FNDC3B: variants seen among roughly 807,000 people sequenced by gnomAD.
FNDC3B encodes fibronectin type III domain-containing protein 3B.
In FNDC3B, 12 loss-of-function variants were observed where a neutral mutation model predicts 151.5. That is an observed-to-expected ratio of 0.08 (90% CI 0.05 to 0.13). The LOEUF is 0.13. Among genes scored for constraint, FNDC3B ranks in the 10% least tolerant of loss-of-function variants. FNDC3B has a pLI of 1.00. For synonymous variants in FNDC3B, 528 were observed against 549.0 expected, an observed-to-expected ratio of 0.96 and a Z score of 0.54; for missense variants, 1,214 against 1,505.3, an observed-to-expected ratio of 0.81 and a Z score of 3.20.
intron 3 of FNDC3B, among the ~76,000 whole-genome samples, chr3:172,192,662 A>T (rs1724588737): frequency 6.6e-6 from 1 of 152,132 alleles, no homozygotes; most frequent in Non-Finnish European, 1.5e-5. Context: ...GTTCACTCAC[A>T]TGTGTTTATT....
chr3:172,052,855 C>G (rs73037193), intron 1 of FNDC3B, among the ~76,000 whole-genome samples: 5,727 of 152,192 alleles, frequency 0.038, 247 homozygotes, highest in African/African-American at 0.099. Context: ...TTAAAGGACT[C>G]CAGTTAGGAG....
chr3:172,093,744 G>T (rs1287451920), intron 1 of FNDC3B, among the ~76,000 whole-genome samples: 1 of 152,136 alleles, frequency 6.6e-6, no homozygotes, highest in African/African-American at 2.4e-5. Flanking sequence ...AAGATCAAAG[G>T]CAGTGCTAAC....
intron 7 of FNDC3B, among the ~76,000 whole-genome samples, chr3:172,294,743 G>A (rs993475276): frequency 1.3e-5 from 2 of 152,228 alleles, no homozygotes; most frequent in Admixed American, 1.3e-4. Flanking sequence ...CCTCAGAGTA[G>A]TATTTTAAGA....
chr3:172,122,396 T>C (rs1720599286), intron 2 of FNDC3B, among the ~76,000 whole-genome samples: 1 of 152,206 alleles, frequency 6.6e-6, no homozygotes, highest in South Asian at 2.1e-4. Flanking sequence ...TTAGCTGCCT[T>C]TAGATTATAT....
At chr3:172,214,005 G>T (rs541883038) in intron 3 of FNDC3B, among the ~76,000 whole-genome samples, 2 of 30,210 alleles carry the variant, frequency 6.6e-5, no homozygotes, top group African/African-American at 2.4e-4. Flanking sequence ...AGCATCTATG[G>T]TGCCGCGCCA....
At chr3:172,268,450 A>C (rs547300816) in intron 6 of FNDC3B, among the ~76,000 whole-genome samples, 1 of 152,322 alleles carries the variant, frequency 6.6e-6, no homozygotes, top group South Asian at 2.1e-4. Flanking sequence ...TGGGGGAAAA[A>C]GTGTTTTGGC....
intron 3 of FNDC3B, among the ~76,000 whole-genome samples, chr3:172,177,579 TA>T (rs1221810808): frequency 6.9e-6 from 1 of 144,420 alleles, no homozygotes; most frequent in Non-Finnish European, 1.5e-5. Flanking sequence ...CCTTATATGA[TA>T]AAATTTACCA....
chr3:172,104,338 T>C (rs1329703250), intron 1 of FNDC3B, among the ~76,000 whole-genome samples: 1 of 152,000 alleles, frequency 6.6e-6, no homozygotes, highest in African/African-American at 2.4e-5. Context: ...AATTATTTTA[T>C]TGACAAATCC....
At chr3:172,373,679 A>G (rs911158911) in intron 23 of FNDC3B, among the ~76,000 whole-genome samples, 1 of 152,194 alleles carries the variant, frequency 6.6e-6, no homozygotes, top group Non-Finnish European at 1.5e-5. Flanking sequence ...CAAATATTTG[A>G]TGAATATTTG....
intron 8 of FNDC3B, among the ~76,000 whole-genome samples, chr3:172,296,772 G>A (rs964507622): frequency 2.0e-5 from 3 of 152,140 alleles, no homozygotes; most frequent in African/African-American, 7.2e-5. Context: ...TGAACTGCAC[G>A]GACCCACTTA....
At chr3:172,083,631 A>G (rs2108501678) in intron 1 of FNDC3B, among the ~76,000 whole-genome samples, 1 of 152,244 alleles carries the variant, frequency 6.6e-6, no homozygotes, top group African/African-American at 2.4e-5. Context: ...CACAGAGAAT[A>G]CAAGACATCA....
intron 1 of FNDC3B, among the ~76,000 whole-genome samples, chr3:172,083,034 T>C (rs1217743590): frequency 6.6e-6 from 1 of 152,226 alleles, no homozygotes; most frequent in Non-Finnish European, 1.5e-5. Context: ...TTAGAATGTT[T>C]GCAAGTGTGG....
chr3:172,198,020 A>C (rs1724930933), intron 3 of FNDC3B, among the ~76,000 whole-genome samples: 1 of 152,182 alleles, frequency 6.6e-6, no homozygotes, highest in Non-Finnish European at 1.5e-5. Flanking sequence ...GTACCAACTC[A>C]TGGTTTTGTT....
chr3:172,186,481 T>G (rs570144654), intron 3 of FNDC3B, among the ~76,000 whole-genome samples: 2 of 152,320 alleles, frequency 1.3e-5, no homozygotes, highest in African/African-American at 4.8e-5. Context: ...TGAGTACCCC[T>G]CCAGTCTGGG....
chr3:172,347,308 C>G lies in FNDC3B; in HGVS notation c.2461C>G (p.Arg821Gly). The change falls in exon 21 of 26, where the codon CGT becomes GGT. Residue 821 changes from arginine to glycine, a missense_variant. Around this residue, in one of 7 missense-constraint regions of FNDC3B, gnomAD observed 380 missense variants for 420.9 expected, o/e 0.90. Coordinates refer to ENST00000415807, the MANE Select transcript of FNDC3B (RefSeq NM_022763.4). ...LELIYHGTDT[R>G]FEIRDLLPAA... is the part of the protein sequence containing the mutation. ...ACTCATTTATCATGGGACAGACACCCGTTTTGAAATAAGAGACCTGTTGCC... is the reference window on the plus strand; with the variant it reads ...ACTCATTTATCATGGGACAGACACCGGTTTTGAAATAAGAGACCTGTTGCC... 2 of 1,613,880 alleles carry G rather than the reference C, an allele frequency of 1.2e-6. No homozygotes were observed. Among genetic ancestry groups the G allele is most frequent in the Non-Finnish European group, 1.7e-6 (2 of 1,179,904 alleles).
chr3:172,358,571 T>TGGTGTAATA (rs1734207820), intron 22 of FNDC3B, among the ~76,000 whole-genome samples: 1 of 152,150 alleles, frequency 6.6e-6, no homozygotes, highest in African/African-American at 2.4e-5. Context: ...TAAAGTGAGG[T>TGGTGTAATA]GGTGTAATAG....
chr3:172,238,354 C>A (rs1057176806), intron 4 of FNDC3B, among the ~76,000 whole-genome samples: 6 of 152,062 alleles, frequency 3.9e-5, no homozygotes, highest in African/African-American at 1.4e-4. Context: ...TAAGGTTTTG[C>A]CACGTTGCCC....
At chr3:172,094,357 T>C (rs1718993179) in intron 1 of FNDC3B, among the ~76,000 whole-genome samples, 1 of 152,260 alleles carries the variant, frequency 6.6e-6, no homozygotes, top group Non-Finnish European at 1.5e-5. Context: ...CTACTTTCTG[T>C]CTACATTTGC....
intron 6 of FNDC3B, among the ~76,000 whole-genome samples, chr3:172,282,502 T>A (rs1371420722): frequency 2.0e-5 from 3 of 152,194 alleles, no homozygotes; most frequent in Non-Finnish European, 4.4e-5. Flanking sequence ...CTTCTCAGAA[T>A]CCTTTGTTTA....
Sources: gnomAD v4.1 joint callset for allele counts (sites outside exome capture counted in the v4.1 genomes callset) on GRCh38, gnomAD v4.1.1 for gene constraint, gnomAD v4.1.1 regional missense constraint, MANE v1.5 for transcripts, NCBI Gene and HGNC (gene_info 2026-07-23, HGNC 2026-07-21) for gene names.